The following GLIS3 variants were observed in gnomAD, a reference collection of about 807,000 sequenced individuals.
The protein encoded by GLIS3 is zinc finger protein GLIS3.
In GLIS3, 53 loss-of-function variants were observed where a neutral mutation model predicts 78.6. The observed-to-expected ratio is 0.67, with a 90% CI of 0.54 to 0.85. The LOEUF is 0.85. Ranked by LOEUF, GLIS3 falls within the 40% of genes least tolerant of loss-of-function variation. The probability of loss-of-function intolerance (pLI) is 0.00; values close to 1 mark genes in which losing one functional copy is unlikely to be tolerated. For synonymous variants in GLIS3, 684 were observed against 509.9 expected (o/e 1.34, Z -4.60); for missense variants, 1,703 against 1,231.1 (o/e 1.38, Z -5.74).
chr9:4,059,424 A>C (rs1826435864), intron 4 of GLIS3, among the ~76,000 whole-genome samples: 1 of 152,216 alleles, frequency 6.6e-6, no homozygotes, highest in Non-Finnish European at 1.5e-5. Context: ...CCAGAGTGCC[A>C]TGATGGGATT....
chr9:4,135,615 T>C (rs117508250), intron 2 of GLIS3, among the ~76,000 whole-genome samples: 4,516 of 152,316 alleles, frequency 0.03, 110 homozygotes, highest in Non-Finnish European at 0.045. Flanking sequence ...TTCATTCTTA[T>C]AATGAAATAT....
intron 9 of GLIS3, among the ~76,000 whole-genome samples, chr9:3,849,584 C>A (rs1277073856): frequency 6.6e-6 from 1 of 152,144 alleles, no homozygotes; most frequent in Non-Finnish European, 1.5e-5. Context: ...GCTCCTTCTC[C>A]ACCTTGCACT....
At chr9:3,965,689 C>A (rs510807) in intron 4 of GLIS3, among the ~76,000 whole-genome samples, 72,820 of 151,854 alleles carry the variant, frequency 0.48, 17,699 homozygotes, top group East Asian at 0.5. Flanking sequence ...TTCCAAACCC[C>A]GCTATGTTCC....
Position 3,838,248 on chromosome 9 carries a change from G to A in GLIS3, c.2474-8756C>T, listed in dbSNP as rs114972669. Among the ~76,000 whole-genome samples, 291 of 152,278 alleles carry A rather than the reference G, an allele frequency of 1.9e-3. 1 individual carries two copies. The highest frequency in any genetic ancestry group is 6.8e-3 in the African/African-American group (283 of 41,558). On this transcript the variant is annotated intron_variant, in intron 9 of 10. Transcript: ENST00000381971. Reference sequence around the variant, plus strand: ...ATATGTATTTGTTGACTGAATAAATGTAAGGAAATCTTAGTTACTTTAATA... The same window carrying A: ...ATATGTATTTGTTGACTGAATAAATATAAGGAAATCTTAGTTACTTTAATA...
At chr9:4,329,555 G>C (rs1455291839) in intron 2 of GLIS3, among the ~76,000 whole-genome samples, 1 of 152,126 alleles carries the variant, frequency 6.6e-6, no homozygotes, top group African/African-American at 2.4e-5. Flanking sequence ...AGGCTAGAAA[G>C]CATTTAATAA....
chr9:4,253,966 G>A (rs1587163517), intron 2 of GLIS3, among the ~76,000 whole-genome samples: 2 of 152,252 alleles, frequency 1.3e-5, no homozygotes, highest in East Asian at 1.9e-4. Context: ...AATGACATGA[G>A]CCAGGTACCT....
At chr9:4,411,697 A>G in the GLIS3 span, among the ~76,000 whole-genome samples, 181 of 152,272 alleles carry the variant, frequency 1.2e-3, no homozygotes, top group African/African-American at 4.3e-3. Context: ...TTCTGCAACA[A>G]CAGAATAAAA....
At chr9:4,213,725 G>A (rs760255591) in intron 2 of GLIS3, among the ~76,000 whole-genome samples, 7 of 152,088 alleles carry the variant, frequency 4.6e-5, no homozygotes, top group Non-Finnish European at 7.4e-5. Context: ...ATAGAAACTT[G>A]ATAAATATTT....
At chr9:3,901,368 C>G (rs1435445477) in intron 6 of GLIS3, 1 of 152,352 alleles carries the variant, frequency 6.6e-6, no homozygotes, top group Non-Finnish European at 1.5e-5. Flanking sequence ...TTTTGTGCGT[C>G]TTTTCCAAAC....
At chr9:4,049,469 C>A (rs1209779254) in intron 4 of GLIS3, among the ~76,000 whole-genome samples, 5 of 152,198 alleles carry the variant, frequency 3.3e-5, no homozygotes, top group African/African-American at 9.6e-5. Flanking sequence ...CTGTTAAAGG[C>A]TGCAACTACT....
the GLIS3 span, among the ~76,000 whole-genome samples, chr9:4,360,282 G>A: frequency 6.6e-6 from 1 of 152,282 alleles, no homozygotes. Context: ...AAGAGGAGCA[G>A]CAACAAAAGA....
the GLIS3 span, among the ~76,000 whole-genome samples, chr9:4,473,296 A>T: frequency 1.3e-5 from 2 of 152,064 alleles, no homozygotes; most frequent in Non-Finnish European, 2.9e-5. Context: ...AAATACAAAA[A>T]GTAGCTGAGC....
the GLIS3 span, among the ~76,000 whole-genome samples, chr9:4,365,853 T>C: frequency 6.6e-6 from 1 of 152,354 alleles, no homozygotes; most frequent in South Asian, 2.1e-4. Flanking sequence ...TATCTTCTTT[T>C]AAAACACAAC....
the GLIS3 span, among the ~76,000 whole-genome samples, chr9:4,373,828 C>T: frequency 1.3e-5 from 2 of 151,958 alleles, no homozygotes; most frequent in Admixed American, 1.3e-4. Context: ...CAACCACGCC[C>T]AGTTAATTTT....
chr9:4,047,397 G>C (rs541811159), intron 4 of GLIS3, among the ~76,000 whole-genome samples: 1 of 152,132 alleles, frequency 6.6e-6, no homozygotes, highest in South Asian at 2.1e-4. Flanking sequence ...ATCTTTTAAG[G>C]TCCTTTTAAA....
intron 2 of GLIS3, among the ~76,000 whole-genome samples, chr9:4,201,971 C>T (rs375364117): frequency 9.2e-5 from 14 of 152,068 alleles, no homozygotes; most frequent in African/African-American, 2.9e-4. Flanking sequence ...AACCCCATCT[C>T]TACTAAAAAT....
At chr9:4,186,947 C>T (rs1047517968) in intron 2 of GLIS3, among the ~76,000 whole-genome samples, 1 of 152,144 alleles carries the variant, frequency 6.6e-6, no homozygotes, top group African/African-American at 2.4e-5. Context: ...CTGTAGGTTG[C>T]CTGTTCACTC....
At position 4,190,487 on chromosome 9, in the gene GLIS3, G is replaced by T. The variant is rs540666418; in HGVS notation, c.389-64546C>A. ...CGAGAAGGGAAGTTTAGAGAAAAAA[G>T]AATAAAAACAAACGAACAAAACCTC... is the stretch of plus-strand genomic sequence containing the variant. On this transcript the variant is annotated intron_variant, in intron 2 of 10. Coordinates refer to ENST00000381971, the MANE Select transcript of GLIS3 (RefSeq NM_001042413.2). Among the ~76,000 whole-genome samples the T allele has an allele frequency of 2.7e-4, 37 of 135,312 alleles. 1 individual carries two copies. Among genetic ancestry groups the T allele is most frequent in the African/African-American group, 7.6e-4 (31 of 40,618 alleles). The allele number at this position is 135,312 out of a possible 152,430, so 88.8% of individuals were successfully genotyped here. A position where few individuals can be genotyped will look rare whatever the true frequency, so the allele number is the denominator to read the frequency against.
chr9:3,958,247 AG>A (rs1817287232), intron 4 of GLIS3, among the ~76,000 whole-genome samples: 2 of 152,314 alleles, frequency 1.3e-5, no homozygotes, highest in East Asian at 3.9e-4. Flanking sequence ...AATAACAATA[AG>A]GCTTTTTGAA....
Sources: gnomAD v4.1 joint callset for allele counts (sites outside exome capture counted in the v4.1 genomes callset) on GRCh38, gnomAD v4.1.1 for gene constraint, MANE v1.5 for transcripts, NCBI Gene and HGNC (gene_info 2026-07-23, HGNC 2026-07-21) for gene names.